The following RGS12 variants were observed in gnomAD, a reference collection of about 807,000 sequenced individuals.
RGS12 encodes regulator of G protein signaling 12.
Under a neutral mutation model 120.1 loss-of-function variants are expected in RGS12, and 66 were observed. The ratio of observed to expected loss-of-function variants is 0.55; its 90% CI spans 0.45 to 0.67. The LOEUF (loss-of-function observed/expected upper bound fraction) is 0.67. RGS12 is among the 30% of genes least tolerant of loss of function. The probability of loss-of-function intolerance (pLI) is 0.00; values close to 1 mark genes in which losing one functional copy is unlikely to be tolerated. For missense variants in RGS12, 1,859 were observed against 1,957.7 expected (o/e 0.95, Z 0.95); for synonymous variants, 827 against 804.7 (o/e 1.03, Z -0.47).
chr4:3,296,013 G>C (rs1170974119), intron 1 of RGS12, among the ~76,000 whole-genome samples: 1 of 152,134 alleles, frequency 6.6e-6, no homozygotes, highest in African/African-American at 2.4e-5. Context: ...AGAACTGTTG[G>C]CCCGCCCCAG....
chr4:3,425,497 C>G lies in RGS12; in HGVS notation c.3268C>G (p.Pro1090Ala), dbSNP rs1436594516. The change falls in exon 14 of 18, where the codon CCT becomes GCT. Residue 1090 changes from proline to alanine, a missense_variant. Transcript: ENST00000336727. ...GEKEPLDLGA[P>A]ISSLDGQRVV... is the part of the protein sequence containing the mutation. ...GAAGGAGCCCCTGGACCTTGGCGCCCCTATATCGAGTCTGGACGGACAGCG... is the reference window on the plus strand; with the variant it reads ...GAAGGAGCCCCTGGACCTTGGCGCCGCTATATCGAGTCTGGACGGACAGCG... The G allele has an allele frequency of 6.2e-7, 1 of 1,612,006 alleles. No individual in the cohort carries two copies. The highest frequency in any genetic ancestry group is 1.7e-5 in the Admixed American group (1 of 59,850).
intron 1 of RGS12, among the ~76,000 whole-genome samples, chr4:3,296,850 C>G (rs1723409877): frequency 6.6e-6 from 1 of 152,200 alleles, no homozygotes. Flanking sequence ...GATGCAAGCC[C>G]CAGTCATGAG....
At chr4:3,431,727 CCGCTCAGGGTG>C in intron 17 of RGS12, 1 of 985,614 alleles carries the variant, frequency 1.0e-6, no homozygotes, top group African/African-American at 1.7e-5. Context: ...GAGAGAGGAG[CCGCTCAGGGTG>C]CGCGTCATGG....
chr4:3,338,220 C>T (rs1484338336), intron 2 of RGS12, among the ~76,000 whole-genome samples: 3 of 152,196 alleles, frequency 2.0e-5, no homozygotes, highest in African/African-American at 7.2e-5. Context: ...GCCACCATGC[C>T]TGGCTAATTT....
In RGS12 at chr4:3,430,820, G is replaced by A. The variant is rs200080993; in HGVS notation, c.3979G>A (p.Gly1327Arg). 9.3e-6 allele frequency: 15 copies of A among 1,611,540 alleles called. No homozygotes were observed. The highest frequency in any genetic ancestry group is 4.5e-5 in the East Asian group (2 of 44,868). Residue 1327 changes from glycine (G) to arginine (R), a missense_variant, in exon 17 of 18, where the codon GGG becomes AGG. By Grantham distance (125) the Gly-to-Arg change is moderately radical (BLOSUM62 -2). Transcript: ENST00000336727. ...WKRQSQEVEA[G>R]GIQTVEDEHV... is the part of the protein sequence containing the mutation. The stretch of plus-strand genomic sequence containing the variant: ...GAGGCAGTCTCAGGAAGTGGAGGCC[G>A]GGGGCATCCAGACGGTGGAGGATGA...
chr4:3,333,051 C>CTT (rs557032927), intron 2 of RGS12, among the ~76,000 whole-genome samples: 1,690 of 124,966 alleles, frequency 0.014, 48 homozygotes, highest in African/African-American at 0.045. Flanking sequence ...GTCTCAAACT[C>CTT]TTTTTTTTTT....
At chr4:3,383,720 G>A (rs1380647810) in intron 3 of RGS12, among the ~76,000 whole-genome samples, 4 of 152,040 alleles carry the variant, frequency 2.6e-5, no homozygotes, top group African/African-American at 9.7e-5. Flanking sequence ...ACCTGCATCC[G>A]TGCACTGTCT....
chr4:3,428,160 C>T lies in RGS12; in HGVS notation c.3402C>T (p.His1134=), dbSNP rs1251715630. ...NTAVNSSSRN[H]SATGEERTLG... ...CTGTAAATTCCAGCTCCAGAAACCA[C>T]TCGGCTACGGTAATTCCCCACCCTG... The change falls in exon 15 of 18, where the codon CAC becomes CAT. Residue 1134 remains histidine, a synonymous_variant. Transcript: ENST00000336727. 1 of 1,613,430 alleles carries T rather than the reference C, an allele frequency of 6.2e-7. No individual in the cohort carries two copies. The highest frequency in any genetic ancestry group is 1.3e-5 in the African/African-American group (1 of 74,944).
chr4:3,328,859 A>G (rs1051479773), intron 2 of RGS12, among the ~76,000 whole-genome samples: 1 of 152,158 alleles, frequency 6.6e-6, no homozygotes, highest in African/African-American at 2.4e-5. Context: ...ACTGTGTCCT[A>G]AAGGAAGCAA....
At position 3,428,215 on chromosome 4, in the gene RGS12, T is replaced by C. The variant is rs55827497; in HGVS notation, c.3411+46T>C. 5,474 of 1,540,508 alleles carry C rather than the reference T, an allele frequency of 3.6e-3. 166 individuals carry two copies. In the African/African-American group the frequency reaches 0.063, roughly 18 times the overall value. The stretch of plus-strand genomic sequence containing the variant: ...ACCCTGTGCCCTGCTCCTCTCGCTG[T>C]GGCCCCCGCCTGCCCTGCGCAGTGC... On this transcript the variant is annotated intron_variant, in intron 15 of 17. Transcript: ENST00000336727.
In RGS12 at chr4:3,395,165, C is replaced by T. The variant is rs574012919; in HGVS notation, c.2020+8728C>T. 2.1e-4 allele frequency among the ~76,000 whole-genome samples: 32 copies of T among 151,360 alleles called. No individual in the cohort carries two copies. In the South Asian group the frequency reaches 2.7e-3, roughly 13 times the overall value. On this transcript the variant is annotated intron_variant, in intron 4 of 17. Transcript: ENST00000336727. ...CAGAGGTTGCAGTGAGCAGAGTTTG[C>T]GCCACTGCACTCCAGCCTGGGTAAC...
At chr4:3,286,175 G>A in the RGS12 span, among the ~76,000 whole-genome samples, 1 of 152,196 alleles carries the variant, frequency 6.6e-6, no homozygotes, top group South Asian at 2.1e-4. Context: ...GCCTAGGACC[G>A]AGGAGGTTCC....
intron 9 of RGS12, chr4:3,418,155 CA>C (rs1400760774): frequency 2.6e-5 from 4 of 152,270 alleles, no homozygotes; most frequent in Admixed American, 6.5e-5. Context: ...CTTCCTGTAA[CA>C]AAAGTTAGGC....
intron 4 of RGS12, among the ~76,000 whole-genome samples, chr4:3,407,988 C>G (rs1560154078): frequency 6.6e-6 from 1 of 152,188 alleles, no homozygotes; most frequent in South Asian, 2.1e-4. Context: ...GAAAAAATCC[C>G]ACAACAATAC....
Position 3,317,177 on chromosome 4 carries a change from C to G in RGS12, c.1007C>G (p.Ser336Cys), listed in dbSNP as rs768665650. ...GAGGAGGAGGGCGCCCTGCGGACTT[C>G]CTGCCACGTGTTCATGGTGGACCCA... ...AQEEEGALRT[S>C]CHVFMVDPDL... Residue 336 changes from serine to cysteine, a missense_variant, in exon 2 of 18, where the codon TCC becomes TGC. Around this residue, in one of 3 missense-constraint regions of RGS12, gnomAD observed 967 missense variants for 994.2 expected, o/e 0.97. Transcript: ENST00000336727. 3 of 1,614,158 alleles carry G rather than the reference C, an allele frequency of 1.9e-6. No homozygotes were observed. The highest frequency in any genetic ancestry group is 2.5e-6 in the Non-Finnish European group (3 of 1,180,040).
intron 17 of RGS12, chr4:3,431,923 GTCTGTAGA>G: frequency 1.0e-6 from 1 of 985,520 alleles, no homozygotes. Context: ...GGGAGTGCAC[GTCTGTAGA>G]TCTGTACATA....
chr4:3,331,810 C>T (rs1049537477), intron 2 of RGS12, among the ~76,000 whole-genome samples: 1 of 152,200 alleles, frequency 6.6e-6, no homozygotes, highest in African/African-American at 2.4e-5. Flanking sequence ...CCACCCAGTC[C>T]TGGGAAGGAA....
intron 4 of RGS12, chr4:3,413,473 C>G (rs1162510743): frequency 2.0e-5 from 3 of 152,380 alleles, no homozygotes; most frequent in African/African-American, 7.2e-5. Flanking sequence ...GAGAAGGAGC[C>G]CACATGCAGA....
At chr4:3,309,903 T>A (rs1285613501) in intron 1 of RGS12, among the ~76,000 whole-genome samples, 10 of 117,834 alleles carry the variant, frequency 8.5e-5, no homozygotes, top group South Asian at 3.1e-4. Flanking sequence ...AGGGGAACCG[T>A]GCAGGGGAGG....
Sources: allele counts gnomAD v4.1 joint callset (sites outside exome capture counted in the v4.1 genomes callset), GRCh38; gene constraint gnomAD v4.1.1; regional missense constraint gnomAD v4.1.1; transcripts MANE v1.5; gene names NCBI Gene and HGNC (gene_info 2026-07-23, HGNC 2026-07-21).